The following MALT1 variants were observed in gnomAD, a reference collection of about 807,000 sequenced individuals.
MALT1 encodes the protein mucosa-associated lymphoid tissue lymphoma translocation protein 1.
In MALT1, 36 loss-of-function variants were observed where a neutral mutation model predicts 85.5. That is an observed-to-expected ratio of 0.42 (90% CI 0.32 to 0.56). MALT1 has a LOEUF of 0.56. Among genes scored for constraint, MALT1 ranks in the 20% least tolerant of loss-of-function variants. The pLI is 0.10. For missense variants in MALT1, 716 were observed against 981.6 expected, an observed-to-expected ratio of 0.73 and a Z score of 3.62; for synonymous variants, 359 against 361.3, an observed-to-expected ratio of 0.99 and a Z score of 0.07.
chr18:58,716,422 G>T (rs2054901178), intron 9 of MALT1, among the ~76,000 whole-genome samples: 1 of 152,342 alleles, frequency 6.6e-6, no homozygotes, highest in East Asian at 1.9e-4. Flanking sequence ...ACAAGAAAAT[G>T]TAAGGGAGAA....
rs2055304014 is a variant in MALT1 at position 58,741,721 on chromosome 18, A to G, written c.1604-144A>G. 6 of 473,696 alleles carry G rather than the reference A, an allele frequency of 1.3e-5. No individual in the cohort carries two copies. In the Admixed American group the frequency reaches 2.2e-4, roughly 17 times the overall value. The allele number at this position is 473,696 out of a possible 1,614,324, so 29.3% of individuals were successfully genotyped here. On this transcript the variant is annotated intron_variant, in intron 13 of 16. Transcript: ENST00000649217. ...AAAACATGCCTGATATGTCTGGCACATAATAGGTGCTCAGGAAATATTTGT... is the reference window on the plus strand; with the variant it reads ...AAAACATGCCTGATATGTCTGGCACGTAATAGGTGCTCAGGAAATATTTGT...
chr18:58,671,864 G>C lies in MALT1; in HGVS notation c.209+12G>C. ...CGCCTCCGCCTCAGGTGAGCTCAGG[G>C]CCGCGGCAGGCCGGGCGCGCGGGTC... On this transcript the variant is annotated intron_variant, in intron 1 of 16. Coordinates refer to ENST00000649217, the MANE Select transcript of MALT1 (RefSeq NM_006785.4). 1 of 1,217,174 alleles carries C rather than the reference G, an allele frequency of 8.2e-7. No homozygotes were observed. The highest frequency in any genetic ancestry group is 1.0e-6 in the Non-Finnish European group (1 of 978,640). The allele number at this position is 1,217,174 out of a possible 1,614,324, so 75.4% of individuals were successfully genotyped here.
At chr18:58,724,129 T>C (rs1013360817) in intron 10 of MALT1, among the ~76,000 whole-genome samples, 2 of 152,240 alleles carry the variant, frequency 1.3e-5, no homozygotes, top group African/African-American at 4.8e-5. Context: ...ATTTTAATAA[T>C]TTCTGAATTT....
At chr18:58,698,008 G>A (rs1056872693) in intron 3 of MALT1, among the ~76,000 whole-genome samples, 4 of 151,954 alleles carry the variant, frequency 2.6e-5, no homozygotes, top group Non-Finnish European at 5.9e-5. Context: ...TTTTAAGCAA[G>A]GGAAGTAACA....
At chr18:58,681,995 G>A (rs1048390482) in intron 2 of MALT1, among the ~76,000 whole-genome samples, 19 of 152,156 alleles carry the variant, frequency 1.2e-4, no homozygotes, top group Non-Finnish European at 2.2e-4. Flanking sequence ...TGCCATTGAA[G>A]TTGCCTGGTT....
At chr18:58,677,320 A>G (rs532070770) in intron 1 of MALT1, among the ~76,000 whole-genome samples, 6 of 152,280 alleles carry the variant, frequency 3.9e-5, no homozygotes, top group South Asian at 4.1e-4. Context: ...AATTTTCTCT[A>G]TATCAATATA....
intron 4 of MALT1, among the ~76,000 whole-genome samples, chr18:58,707,543 T>G (rs1030195543): frequency 9.2e-5 from 14 of 152,150 alleles, no homozygotes; most frequent in Non-Finnish European, 1.8e-4. Context: ...GTCATCTACA[T>G]TAGGTATTTC....
In MALT1 at chr18:58,744,499, A is replaced by G. The variant is rs746121335; in HGVS notation, c.1911+4A>G. On this transcript the variant is annotated splice_donor_region_variant and intron_variant, in intron 15 of 16. Transcript: ENST00000649217. ...CTACGTTACTGATTTTCCACTTGTG[A>G]GTCTCTTCTTTTATTTAAAATACAG... 5.0e-6 allele frequency: 8 copies of G among 1,589,466 alleles called. No individual in the cohort carries two copies. The highest frequency in any genetic ancestry group is 6.0e-6 in the Non-Finnish European group (7 of 1,167,138).
At chr18:58,734,163 C>A in intron 11 of MALT1, 144 bp from the exon 12 acceptor site, 1 of 1,132,666 alleles carries the variant, frequency 8.8e-7, no homozygotes, top group Non-Finnish European at 1.2e-6. Flanking sequence ...AGATATGTAG[C>A]TACCTAGATG....
chr18:58,687,026 A>G (rs1290753121), intron 2 of MALT1, among the ~76,000 whole-genome samples: 1 of 152,230 alleles, frequency 6.6e-6, no homozygotes, highest in Non-Finnish European at 1.5e-5. Flanking sequence ...AAATTTCTGA[A>G]TTAAGAAACT....
At chr18:58,706,929 A>G (rs557019056) in intron 4 of MALT1, among the ~76,000 whole-genome samples, 46 of 152,216 alleles carry the variant, frequency 3.0e-4, no homozygotes, top group Admixed American at 1.6e-3. Flanking sequence ...TTTTAGCCAT[A>G]ATCTCCAAAT....
At chr18:58,719,433 C>T (rs1272722430) in intron 9 of MALT1, among the ~76,000 whole-genome samples, 1 of 152,112 alleles carries the variant, frequency 6.6e-6, no homozygotes, top group Non-Finnish European at 1.5e-5. Flanking sequence ...CTTCGTTTCC[C>T]TCTCCCTCTT....
chr18:58,709,944 G>A (rs770682207), intron 5 of MALT1, 32 bp from the exon 6 acceptor site: 2 of 1,319,036 alleles, frequency 1.5e-6, no homozygotes, highest in South Asian at 2.5e-5. Flanking sequence ...AAATAGAAGA[G>A]GAAGCATTTA....
At chr18:58,736,340 TC>T (rs1398737448) in intron 13 of MALT1, among the ~76,000 whole-genome samples, 3 of 152,122 alleles carry the variant, frequency 2.0e-5, no homozygotes, top group Non-Finnish European at 2.9e-5. Context: ...GCTTTGGACT[TC>T]CTGCCACCCT....
In MALT1 at chr18:58,710,019, A is replaced by G; in HGVS notation, c.872A>G (p.His291Arg). 1 of 1,612,662 alleles carries G rather than the reference A, an allele frequency of 6.2e-7. No individual in the cohort carries two copies. Among genetic ancestry groups the G allele is most frequent in the Admixed American group, 1.7e-5 (1 of 59,834 alleles). Reference sequence around the variant, plus strand: ...GAACACCAAGGAACCTACTGGTGTCATGTATATAATGATCGAGACAGTCAA... The same window carrying G: ...GAACACCAAGGAACCTACTGGTGTCGTGTATATAATGATCGAGACAGTCAA... ...DLEHQGTYWC[H>R]VYNDRDSQDS... Residue 291 changes from histidine to arginine, a missense_variant, in exon 6 of 17, where the codon CAT becomes CGT. By Grantham distance (29) the His-to-Arg change is conservative (BLOSUM62 0). This residue lies in a region of MALT1 where 290 missense variants were observed against 380.5 expected (regional missense o/e 0.76). Coordinates refer to ENST00000649217, the MANE Select transcript of MALT1 (RefSeq NM_006785.4).
intron 1 of MALT1, among the ~76,000 whole-genome samples, chr18:58,678,696 A>G (rs2054276539): frequency 6.6e-6 from 1 of 152,146 alleles, no homozygotes; most frequent in Non-Finnish European, 1.5e-5. Flanking sequence ...TGGTTTTTGT[A>G]TTTTACGAAT....
At chr18:58,731,724 G>A (rs1196400997) in intron 10 of MALT1, among the ~76,000 whole-genome samples, 1 of 152,150 alleles carries the variant, frequency 6.6e-6, no homozygotes, top group African/African-American at 2.4e-5. Context: ...CATGATTTAT[G>A]GCATTTAATT....
At chr18:58,729,830 C>G (rs1392633051) in intron 10 of MALT1, among the ~76,000 whole-genome samples, 3 of 152,148 alleles carry the variant, frequency 2.0e-5, no homozygotes, top group Admixed American at 2.0e-4. Context: ...ATTATGATTT[C>G]TTATCAGAAA....
At chr18:58,717,128 G>A (rs1430070420) in intron 9 of MALT1, among the ~76,000 whole-genome samples, 2 of 152,166 alleles carry the variant, frequency 1.3e-5, no homozygotes, top group Admixed American at 1.3e-4. Flanking sequence ...TTGTGAGGCC[G>A]AGGCAGGCAG....
Sources: allele counts gnomAD v4.1 joint callset (sites outside exome capture counted in the v4.1 genomes callset), GRCh38; gene constraint gnomAD v4.1.1; regional missense constraint gnomAD v4.1.1; transcripts MANE v1.5; gene names NCBI Gene and HGNC (gene_info 2026-07-23, HGNC 2026-07-21).